Variants in SH3BGRL2 observed in about 807,000 individuals in gnomAD.
SH3BGRL2 encodes SH3 domain-binding glutamic acid-rich-like protein 2.
In SH3BGRL2, 21 loss-of-function variants were observed where a neutral mutation model predicts 14.8. The ratio of observed to expected loss-of-function variants is 1.42; its 90% CI spans 1.01 to 2.05. The LOEUF (loss-of-function observed/expected upper bound fraction) is 2.05. Among genes scored for constraint, SH3BGRL2 ranks in the 30% most tolerant of loss-of-function variants. The probability of loss-of-function intolerance (pLI) is 0.00; values close to 1 mark genes in which losing one functional copy is unlikely to be tolerated. For synonymous variants in SH3BGRL2, 50 were observed against 47.8 expected (o/e 1.05, Z -0.19); for missense variants, 147 against 130.8 (o/e 1.12, Z -0.61).
chr6:79,673,660 A>G lies in SH3BGRL2; in HGVS notation c.92A>G (p.Lys31Arg), dbSNP rs1162057262. ...GTGGTTAGATTTCTGGAAGCCAACAAGATAGAGTTTGAGGAGGTGGATATC... is the reference window on the plus strand; with the variant it reads ...GTGGTTAGATTTCTGGAAGCCAACAGGATAGAGTTTGAGGAGGTGGATATC... ...QDVVRFLEAN[K>R]IEFEEVDITM... The change falls in exon 2 of 4, where the codon AAG (lysine) becomes AGG (arginine). Residue 31 changes from lysine to arginine, a missense_variant. Coordinates refer to ENST00000369838, the MANE Select transcript of SH3BGRL2 (RefSeq NM_031469.4). 2 of 1,614,180 alleles carry G rather than the reference A, an allele frequency of 1.2e-6. No individual in the cohort carries two copies. The highest frequency in any genetic ancestry group is 1.1e-5 in the South Asian group (1 of 91,074).
At chr6:79,667,178 C>T (rs1012302158) in intron 1 of SH3BGRL2, among the ~76,000 whole-genome samples, 1 of 152,198 alleles carries the variant, frequency 6.6e-6, no homozygotes, top group African/African-American at 2.4e-5. Context: ...TCTGACACTG[C>T]TTCATAGTCA....
At position 79,673,727 on chromosome 6, in the gene SH3BGRL2, C is replaced by G. The variant is rs773554244; in HGVS notation, c.159C>G (p.Val53=). The change falls in exon 2 of 4, where the codon GTC becomes GTG. Residue 53 remains valine (V), a synonymous_variant. Transcript: ENST00000369838. The part of the protein sequence containing the change: ...EEQRQWMYKN[V]PPEKKPTQGN... ...AGAGGCAATGGATGTACAAAAACGT[C>G]CCCCCGGAAAAGAAACCCACTCAGG... The G allele has an allele frequency of 1.2e-6, 2 of 1,613,928 alleles. No individual in the cohort carries two copies. Among genetic ancestry groups the G allele is most frequent in the African/African-American group, 2.7e-5 (2 of 74,870 alleles).
chr6:79,646,734 C>T (rs1353411650), intron 1 of SH3BGRL2, among the ~76,000 whole-genome samples: 3 of 152,210 alleles, frequency 2.0e-5, no homozygotes, highest in African/African-American at 7.2e-5. Flanking sequence ...CACTAATCTG[C>T]TTTCTGACTC....
chr6:79,550,512 G>T, the SH3BGRL2 span, among the ~76,000 whole-genome samples: 1 of 152,022 alleles, frequency 6.6e-6, no homozygotes. Context: ...GACCACCACA[G>T]AGATTAAAAC....
intron 2 of SH3BGRL2, among the ~76,000 whole-genome samples, chr6:79,688,653 A>G (rs1212495167): frequency 6.6e-6 from 1 of 152,164 alleles, no homozygotes. Context: ...CCTTTGTAGT[A>G]GGAACCCTAA....
chr6:79,683,142 A>G (rs1562157091), intron 2 of SH3BGRL2, among the ~76,000 whole-genome samples: 1 of 152,192 alleles, frequency 6.6e-6, no homozygotes, highest in Non-Finnish European at 1.5e-5. Flanking sequence ...GTACATGTAT[A>G]CCTATGTATC....
the SH3BGRL2 span, among the ~76,000 whole-genome samples, chr6:79,612,595 G>A: frequency 2.6e-4 from 39 of 152,162 alleles, no homozygotes; most frequent in African/African-American, 6.5e-4. Context: ...TGTGCAATCC[G>A]AACCAGTGAA....
upstream of SH3BGRL2, among the ~76,000 whole-genome samples, chr6:79,629,130 C>T (rs975295290): frequency 1.3e-5 from 2 of 152,174 alleles, no homozygotes; most frequent in African/African-American, 4.8e-5. Context: ...ACATACAGGT[C>T]ATAGTTTGAG....
chr6:79,652,558 G>C (rs1057352453), intron 1 of SH3BGRL2, among the ~76,000 whole-genome samples: 2 of 152,088 alleles, frequency 1.3e-5, no homozygotes, highest in Admixed American at 6.6e-5. Context: ...GCTAGGTATG[G>C]CCCAGATGGA....
chr6:79,660,392 A>G (rs182599192), intron 1 of SH3BGRL2, among the ~76,000 whole-genome samples: 1 of 152,270 alleles, frequency 6.6e-6, no homozygotes, highest in African/African-American at 2.4e-5. Flanking sequence ...ATCTATTGAG[A>G]TAATCATGTG....
At chr6:79,564,452 T>A in the SH3BGRL2 span, among the ~76,000 whole-genome samples, 1 of 152,182 alleles carries the variant, frequency 6.6e-6, no homozygotes, top group African/African-American at 2.4e-5. Context: ...TTTTACTACT[T>A]CTGCTATGAT....
chr6:79,684,027 CA>C (rs1203012312), intron 2 of SH3BGRL2, among the ~76,000 whole-genome samples: 1 of 151,958 alleles, frequency 6.6e-6, no homozygotes, highest in African/African-American at 2.4e-5. Context: ...AACAAACAAA[CA>C]AAAAAAGCAA....
At chr6:79,691,805 A>G (rs368711012) in intron 2 of SH3BGRL2, among the ~76,000 whole-genome samples, 2 of 151,008 alleles carry the variant, frequency 1.3e-5, no homozygotes, top group African/African-American at 2.4e-5. Context: ...GAATAGTGCC[A>G]CAATAAACAT....
the SH3BGRL2 span, among the ~76,000 whole-genome samples, chr6:79,583,578 G>C: frequency 0.99 from 150,488 of 152,294 alleles, 74,381 homozygotes; most frequent in East Asian, 1. Flanking sequence ...GGGAATTGAA[G>C]AATGAGATCA....
At chr6:79,615,600 A>G in the SH3BGRL2 span, among the ~76,000 whole-genome samples, 1 of 152,174 alleles carries the variant, frequency 6.6e-6, no homozygotes, top group Non-Finnish European at 1.5e-5. Context: ...GATTAATTTC[A>G]TCACACCTAT....
the SH3BGRL2 span, among the ~76,000 whole-genome samples, chr6:79,606,952 C>T: frequency 2.0e-5 from 3 of 152,072 alleles, no homozygotes; most frequent in South Asian, 4.1e-4. Context: ...ACATACTTTG[C>T]TTCTTTATTA....
At chr6:79,579,321 A>G in the SH3BGRL2 span, among the ~76,000 whole-genome samples, 1 of 152,178 alleles carries the variant, frequency 6.6e-6, no homozygotes, top group African/African-American at 2.4e-5. Context: ...ACTCCTTGAG[A>G]AGAGCAACTC....
the SH3BGRL2 span, among the ~76,000 whole-genome samples, chr6:79,610,281 TCA>T: frequency 1.3e-5 from 2 of 152,228 alleles, no homozygotes; most frequent in African/African-American, 4.8e-5. Flanking sequence ...CTCACTTTTC[TCA>T]GTCATACTTT....
chr6:79,655,412 T>G (rs1582721372), intron 1 of SH3BGRL2, among the ~76,000 whole-genome samples: 1 of 45,474 alleles, frequency 2.2e-5, no homozygotes, highest in Admixed American at 1.5e-4. Flanking sequence ...GCAAATTCAG[T>G]TTTTTTTTTT....
Sources: gnomAD v4.1 joint callset for allele counts (sites outside exome capture counted in the v4.1 genomes callset) on GRCh38, gnomAD v4.1.1 for gene constraint, MANE v1.5 for transcripts, NCBI Gene and HGNC (gene_info 2026-07-23, HGNC 2026-07-21) for gene names.